CNTNAP5: variants seen among roughly 807,000 people sequenced by gnomAD.
CNTNAP5 encodes contactin associated protein family member 5, also known as contactin-associated protein-like 5.
Under a neutral mutation model 150.2 loss-of-function variants are expected in CNTNAP5, and 72 were observed. That is an observed-to-expected ratio of 0.48 (90% confidence interval 0.40 to 0.58). The LOEUF (loss-of-function observed/expected upper bound fraction) is 0.58. CNTNAP5 is among the 20% of genes least tolerant of loss of function. The pLI is 0.00. For missense variants in CNTNAP5, 1,636 were observed against 1,626.2 expected, an observed-to-expected ratio of 1.01 and a Z score of -0.10; for synonymous variants, 672 against 619.8, an observed-to-expected ratio of 1.08 and a Z score of -1.25.
rs181715266 is a variant in CNTNAP5, at chr2:124,428,510, G to A, written c.530-5974G>A. On this transcript the variant is annotated intron_variant, in intron 4 of 23. Transcript: ENST00000682447. Reference sequence around the variant, plus strand: ...GGCATTGTACCTCTACCATAACAAAGCCTCCCACATGTGTACATGGTTTCC... The same window carrying A: ...GGCATTGTACCTCTACCATAACAAAACCTCCCACATGTGTACATGGTTTCC... 1.0e-3 allele frequency among the ~76,000 whole-genome samples: 153 copies of A among 152,280 alleles called. 1 individual carries two copies. The highest frequency in any genetic ancestry group is 3.9e-3 in the Admixed American group (60 of 15,288).
chr2:124,657,265 G>A (rs1287601566), intron 13 of CNTNAP5, among the ~76,000 whole-genome samples: 1 of 152,114 alleles, frequency 6.6e-6, no homozygotes, highest in African/African-American at 2.4e-5. Flanking sequence ...AAAGTGTAGA[G>A]TTAGGTCTAT....
intron 13 of CNTNAP5, among the ~76,000 whole-genome samples, chr2:124,694,221 T>TA (rs1025563766): frequency 2.8e-4 from 42 of 152,238 alleles, no homozygotes; most frequent in African/African-American, 7.9e-4. Context: ...TTTAATTATT[T>TA]AAAAAAATAG....
chr2:124,600,748 AG>A lies in CNTNAP5; in HGVS notation c.1757-9052del, dbSNP rs1328760885. ...ACAATACTCAGAGAGAGAGAGAGAG[AG>A]AGAGAGAGAGAGAGAGAGAAAGAGA... On this transcript the variant is annotated intron_variant, in intron 11 of 23. Transcript: ENST00000682447. Among the ~76,000 whole-genome samples, 94 of 128,436 alleles carry A rather than the reference AG, an allele frequency of 7.3e-4. 1 individual carries two copies. Among genetic ancestry groups the A allele is most frequent in the South Asian group, 1.4e-3 (5 of 3,506 alleles). 84.3% of individuals were successfully genotyped at this position (128,436 alleles called of 152,430 possible). A position where few individuals can be genotyped will look rare whatever the true frequency, so the allele number is the denominator to read the frequency against.
intron 13 of CNTNAP5, among the ~76,000 whole-genome samples, chr2:124,746,046 G>A (rs1312126423): frequency 1.3e-5 from 2 of 152,176 alleles, no homozygotes; most frequent in African/African-American, 4.8e-5. Context: ...TTTCAACCTT[G>A]TAACATCCTC....
At chr2:124,671,674 C>G (rs968036502) in intron 13 of CNTNAP5, among the ~76,000 whole-genome samples, 2 of 152,104 alleles carry the variant, frequency 1.3e-5, no homozygotes, top group South Asian at 2.1e-4. Flanking sequence ...GGGTCTCACT[C>G]TGTTGCCCAG....
intron 1 of CNTNAP5, among the ~76,000 whole-genome samples, chr2:124,070,939 T>C (rs1196490422): frequency 1.3e-5 from 2 of 152,024 alleles, no homozygotes; most frequent in East Asian, 1.9e-4. Context: ...GGATAGACCA[T>C]ATAGTAGACC....
At chr2:124,431,508 G>GATAT (rs201654852) in intron 4 of CNTNAP5, among the ~76,000 whole-genome samples, 1,382 of 114,130 alleles carry the variant, frequency 0.012, 45 homozygotes, top group Middle Eastern at 0.018. Context: ...AAGTGTCAAA[G>GATAT]ATATATATAT....
At chr2:124,217,202 G>A (rs1341863279) in intron 1 of CNTNAP5, among the ~76,000 whole-genome samples, 1 of 151,998 alleles carries the variant, frequency 6.6e-6, no homozygotes, top group Non-Finnish European at 1.5e-5. Flanking sequence ...GTGAGTATGA[G>A]AGAAGCCTTT....
chr2:124,837,941 A>C (rs1682863646), intron 19 of CNTNAP5, among the ~76,000 whole-genome samples: 1 of 152,132 alleles, frequency 6.6e-6, no homozygotes, highest in Non-Finnish European at 1.5e-5. Flanking sequence ...CCTGTTGTGC[A>C]AATGGAGCTC....
chr2:124,480,824 G>C (rs1444913056), intron 7 of CNTNAP5, among the ~76,000 whole-genome samples: 1 of 152,092 alleles, frequency 6.6e-6, no homozygotes, highest in Non-Finnish European at 1.5e-5. Context: ...CATCTATGCT[G>C]TATGCTCCTC....
chr2:124,907,655 CT>C (rs905571511), intron 22 of CNTNAP5, among the ~76,000 whole-genome samples: 2 of 150,062 alleles, frequency 1.3e-5, no homozygotes, highest in Admixed American at 1.3e-4. Flanking sequence ...CTGAGTCATT[CT>C]TTTTTTGAGA....
intron 11 of CNTNAP5, among the ~76,000 whole-genome samples, chr2:124,602,282 T>C (rs1038195603): frequency 1.3e-4 from 18 of 139,874 alleles, no homozygotes; most frequent in African/African-American, 4.4e-4. Flanking sequence ...TCGGAGGTTG[T>C]AGTGAGCCAA....
intron 18 of CNTNAP5, among the ~76,000 whole-genome samples, chr2:124,791,348 G>A (rs898401658): frequency 2.6e-5 from 4 of 152,096 alleles, no homozygotes; most frequent in Non-Finnish European, 4.4e-5. Flanking sequence ...AAAAATTTTC[G>A]GGCTAACCGC....
intron 13 of CNTNAP5, among the ~76,000 whole-genome samples, chr2:124,653,691 A>G (rs1219526093): frequency 6.6e-6 from 1 of 152,210 alleles, no homozygotes; most frequent in Non-Finnish European, 1.5e-5. Flanking sequence ...CAGTATGTCA[A>G]GATACTCTGG....
intron 12 of CNTNAP5, among the ~76,000 whole-genome samples, chr2:124,629,773 G>GTT (rs771169353): frequency 0.41 from 53,703 of 130,254 alleles, 11,507 homozygotes; most frequent in Non-Finnish European, 0.49. Flanking sequence ...TCCAGGAGCT[G>GTT]TTTTTTTTTT....
intron 1 of CNTNAP5, among the ~76,000 whole-genome samples, chr2:124,177,499 G>A (rs902609772): frequency 3.9e-5 from 6 of 151,994 alleles, no homozygotes; most frequent in African/African-American, 1.2e-4. Flanking sequence ...TATCTGAAAC[G>A]TTATATATCT....
chr2:124,786,446 G>GAAA (rs1681589924), intron 17 of CNTNAP5, among the ~76,000 whole-genome samples: 2 of 78,852 alleles, frequency 2.5e-5, no homozygotes, highest in African/African-American at 6.4e-5. Context: ...AAGGAAGGAA[G>GAAA]GAAAGAAAGA....
intron 13 of CNTNAP5, among the ~76,000 whole-genome samples, chr2:124,706,991 G>T (rs1408135527): frequency 2.5e-5 from 2 of 79,070 alleles, no homozygotes; most frequent in African/African-American, 9.4e-5. Context: ...GAAGGAGAAG[G>T]AGAAGAGGAA....
At chr2:124,416,216 G>A (rs1331696224) in intron 3 of CNTNAP5, among the ~76,000 whole-genome samples, 1 of 152,162 alleles carries the variant, frequency 6.6e-6, no homozygotes, top group African/African-American at 2.4e-5. Context: ...TTGGAGTGAG[G>A]AGGGGAAGGT....
Sources: allele counts gnomAD v4.1 joint callset (sites outside exome capture counted in the v4.1 genomes callset), GRCh38; gene constraint gnomAD v4.1.1; transcripts MANE v1.5; gene names NCBI Gene and HGNC (gene_info 2026-07-23, HGNC 2026-07-21).